CACNA1C: variants seen among roughly 807,000 people sequenced by gnomAD.
The protein encoded by CACNA1C is calcium voltage-gated channel subunit alpha1 C, also known as voltage-dependent L-type calcium channel subunit alpha-1C.
In CACNA1C, 30 loss-of-function variants were observed where a neutral mutation model predicts 229.0. The observed-to-expected ratio is 0.13, with a 90% CI of 0.10 to 0.18. The LOEUF (loss-of-function observed/expected upper bound fraction) is 0.18, where lower values mean the gene tolerates loss of function less well. Ranked by LOEUF, CACNA1C falls within the 10% of genes least tolerant of loss-of-function variation. CACNA1C has a pLI of 1.00. For missense variants in CACNA1C, 1,658 were observed against 2,845.0 expected, an observed-to-expected ratio of 0.58 and a Z score of 9.49; for synonymous variants, 1,114 against 1,132.5, an observed-to-expected ratio of 0.98 and a Z score of 0.33.
intron 29 of CACNA1C, among the ~76,000 whole-genome samples, chr12:2,624,909 A>C (rs1026988194): frequency 2.6e-5 from 4 of 152,262 alleles, no homozygotes; most frequent in African/African-American, 9.6e-5. Context: ...GCTGCGGATG[A>C]AATGCGGCAA....
intron 1 of CACNA1C, among the ~76,000 whole-genome samples, chr12:2,041,212 A>G (rs1270854170): frequency 6.6e-6 from 1 of 151,172 alleles, no homozygotes; most frequent in Non-Finnish European, 1.5e-5. Context: ...AATCCAAACA[A>G]TCTGGGTTGA....
chr12:2,337,122 G>A (rs1429543153), intron 3 of CACNA1C, among the ~76,000 whole-genome samples: 2 of 152,174 alleles, frequency 1.3e-5, no homozygotes, highest in African/African-American at 4.8e-5. Context: ...CAGGCTTGTG[G>A]GAGGAAGATA....
At chr12:2,472,857 T>C (rs978950479) in intron 5 of CACNA1C, among the ~76,000 whole-genome samples, 3 of 152,370 alleles carry the variant, frequency 2.0e-5, no homozygotes, top group South Asian at 4.1e-4. Flanking sequence ...CAGTTTACCA[T>C]GAACGTGTGT....
chr12:2,357,449 G>A (rs1281734072), intron 3 of CACNA1C, among the ~76,000 whole-genome samples: 1 of 152,120 alleles, frequency 6.6e-6, no homozygotes, highest in African/African-American at 2.4e-5. Flanking sequence ...TATCTGGAGA[G>A]GTTCTTCTTT....
intron 9 of CACNA1C, among the ~76,000 whole-genome samples, chr12:2,528,818 G>A (rs116273260): frequency 0.023 from 3,557 of 152,266 alleles, 147 homozygotes; most frequent in African/African-American, 0.082. Context: ...GTATAGTCAA[G>A]CTTCACAGCT....
At chr12:2,387,558 A>AAAGG (rs1357529468) in intron 3 of CACNA1C, among the ~76,000 whole-genome samples, 3 of 151,834 alleles carry the variant, frequency 2.0e-5, no homozygotes, top group South Asian at 2.1e-4. Flanking sequence ...AGAAAGAAAG[A>AAAGG]AAGCAATGAC....
At position 2,152,840 on chromosome 12, in the gene CACNA1C, G is replaced by A. The variant is rs571989437; in HGVS notation, c.477+32410G>A. On this transcript the variant is annotated intron_variant, in intron 3 of 46. Coordinates refer to ENST00000399655, the MANE Select transcript of CACNA1C (RefSeq NM_000719.7). The surrounding 1 kb of genome is among the most constrained non-coding windows in gnomAD (Gnocchi z 4.2). ...TTCCCATGTCACCCACAGGACTGGT[G>A]TGCCCGGTAGGAAAGATTGGTAGGT... is the stretch of plus-strand genomic sequence containing the variant. Among the ~76,000 whole-genome samples, 20 of 152,294 alleles carry A rather than the reference G, an allele frequency of 1.3e-4. No individual in the cohort carries two copies. The highest frequency in any genetic ancestry group is 4.6e-4 in the African/African-American group (19 of 41,556).
At chr12:2,004,595 G>C (rs1264299289) in intron 1 of CACNA1C, 2 of 1,020,434 alleles carry the variant, frequency 2.0e-6, no homozygotes, top group African/African-American at 3.3e-5. Flanking sequence ...ACAGACGCAA[G>C]GCCTCACTAA....
At chr12:2,326,963 C>T (rs1171750829) in intron 3 of CACNA1C, among the ~76,000 whole-genome samples, 1 of 152,218 alleles carries the variant, frequency 6.6e-6, no homozygotes, top group African/African-American at 2.4e-5. Context: ...AGTGCCATGG[C>T]AGATATATCA....
chr12:2,357,664 TAAAAA>T (rs550833961), intron 3 of CACNA1C, among the ~76,000 whole-genome samples: 8 of 129,940 alleles, frequency 6.2e-5, no homozygotes, highest in East Asian at 4.4e-4. Flanking sequence ...TTTTTTTCCT[TAAAAA>T]AAAAAAAAAA....
chr12:2,670,418 C>T (rs1251033060), intron 38 of CACNA1C, among the ~76,000 whole-genome samples: 4 of 152,160 alleles, frequency 2.6e-5, no homozygotes, highest in Non-Finnish European at 4.4e-5. Context: ...AAGGTGATGA[C>T]ATCTGGGAAT....
intron 3 of CACNA1C, among the ~76,000 whole-genome samples, chr12:2,405,087 T>A (rs1270184505): frequency 6.6e-6 from 1 of 152,196 alleles, no homozygotes; most frequent in Non-Finnish European, 1.5e-5. Flanking sequence ...CTGTGGGATA[T>A]CTGGAAAGAA....
At chr12:2,141,125 G>A (rs1408940282) in intron 3 of CACNA1C, among the ~76,000 whole-genome samples, 1 of 150,990 alleles carries the variant, frequency 6.6e-6, no homozygotes, top group Non-Finnish European at 1.5e-5. Context: ...GCCCACTGTG[G>A]CTGCTGCTCA....
At chr12:2,581,467 C>T (rs1389194675) in intron 13 of CACNA1C, 123 bp from the exon 14 acceptor site, 2 of 847,514 alleles carry the variant, frequency 2.4e-6, no homozygotes, top group Non-Finnish European at 3.6e-6. Flanking sequence ...CCCCCACGGG[C>T]AGGGAAAAAG....
intron 5 of CACNA1C, among the ~76,000 whole-genome samples, chr12:2,484,234 A>G (rs1331075762): frequency 6.6e-6 from 1 of 152,246 alleles, no homozygotes; most frequent in African/African-American, 2.4e-5. Context: ...CTGGGGAAAC[A>G]GATGCTTGGG....
intron 1 of CACNA1C, among the ~76,000 whole-genome samples, chr12:2,074,796 C>T (rs1048975050): frequency 2.6e-5 from 4 of 152,184 alleles, no homozygotes; most frequent in Non-Finnish European, 5.9e-5. Context: ...CTGAAGCTGT[C>T]AGCTAATGCC....
intron 1 of CACNA1C, chr12:1,992,423 A>G (rs1313598633): frequency 6.5e-6 from 1 of 153,378 alleles, no homozygotes; most frequent in African/African-American, 2.4e-5. Flanking sequence ...TCTTGAGTTC[A>G]AAGAGTAGGA....
At chr12:2,187,900 G>A (rs1392749934) in intron 3 of CACNA1C, among the ~76,000 whole-genome samples, 3 of 152,232 alleles carry the variant, frequency 2.0e-5, no homozygotes. Context: ...CCCAGGACGG[G>A]GACTGAGCTG....
rs576205248 is a variant in CACNA1C, at chr12:2,287,418, C to T, written c.478-161558C>T. Reference sequence around the variant, plus strand: ...GGGAATGAGAATGAACGTGGCTGCTCGTGTGTTCCGTGGCTGTTTAGGAAG... The same window carrying T: ...GGGAATGAGAATGAACGTGGCTGCTTGTGTGTTCCGTGGCTGTTTAGGAAG... On this transcript the variant is annotated intron_variant, in intron 3 of 46. Transcript: ENST00000399655. The surrounding 1 kb of genome is among the most constrained non-coding windows in gnomAD (Gnocchi z 4.6). Among the ~76,000 whole-genome samples, 138 of 152,234 alleles carry T rather than the reference C, an allele frequency of 9.1e-4. No individual in the cohort carries two copies. The highest frequency in any genetic ancestry group is 3.1e-3 in the African/African-American group (129 of 41,534).
Sources: gnomAD v4.1 joint callset for allele counts (sites outside exome capture counted in the v4.1 genomes callset) on GRCh38, gnomAD v4.1.1 for gene constraint, Gnocchi (gnomAD v3.1) non-coding constraint, MANE v1.5 for transcripts, NCBI Gene and HGNC (gene_info 2026-07-23, HGNC 2026-07-21) for gene names.